Variants in SEPTIN9 observed in about 807,000 individuals in gnomAD.
The protein encoded by SEPTIN9 is septin-9.
SEPTIN9 carries 13 observed loss-of-function variants against 56.6 expected under a neutral mutation model. That is an observed-to-expected ratio of 0.23 (90% CI 0.15 to 0.37). The LOEUF is 0.37. SEPTIN9 is among the 10% of genes least tolerant of loss of function. SEPTIN9 has a pLI of 1.00. For missense variants in SEPTIN9, 650 were observed against 823.1 expected, an observed-to-expected ratio of 0.79 and a Z score of 2.57; for synonymous variants, 332 against 334.1, an observed-to-expected ratio of 0.99 and a Z score of 0.07.
In SEPTIN9 at chr17:77,341,849, G is replaced by A. The variant is rs368181471; in HGVS notation, c.76+34652G>A. ...TGTAATCCCAGCACTTTGGGAGGCC[G>A]AGGCGGGCAGATCATGAGGTCAGGG... On this transcript the variant is annotated intron_variant, in intron 2 of 11. Transcript: ENST00000427177. Among the ~76,000 whole-genome samples, 36 of 150,992 alleles carry A rather than the reference G, an allele frequency of 2.4e-4. 1 individual carries two copies. In the South Asian group the frequency reaches 2.9e-3, roughly 12 times the overall value.
rs1309823265 is a variant in SEPTIN9 at position 77,434,429 on chromosome 17, A to G, written c.721+31726A>G. Among the ~76,000 whole-genome samples the G allele has an allele frequency of 1.3e-5, 2 of 152,082 alleles. No individual in the cohort carries two copies. The highest frequency in any genetic ancestry group is 2.9e-5 in the Non-Finnish European group (2 of 68,012). ...TCTCCATGGCTCCCTCGTCCTGCAC[A>G]TCCTTCCCTTGTTGTGTTGTCTCGC... On this transcript the variant is annotated intron_variant, in intron 3 of 11. Coordinates refer to ENST00000427177, the MANE Select transcript of SEPTIN9 (RefSeq NM_001113491.2). The surrounding 1 kb of genome is among the most constrained non-coding windows in gnomAD (Gnocchi z 5.0).
rs552964663 is a variant in SEPTIN9 at position 77,385,303 on chromosome 17, A to G, written c.77-16756A>G. 2.6e-5 allele frequency among the ~76,000 whole-genome samples: 4 copies of G among 151,984 alleles called. No homozygotes were observed. In the East Asian group the frequency reaches 7.8e-4, roughly 29 times the overall value. On this transcript the variant is annotated intron_variant, in intron 2 of 11. Transcript: ENST00000427177. The stretch of plus-strand genomic sequence containing the variant: ...TCAGCCTCCTGAGTAGCTGGATTAC[A>G]GACACTCATATTTGTAGGATTTGAG...
intron 2 of SEPTIN9, among the ~76,000 whole-genome samples, chr17:77,347,577 GA>G (rs2033928509): frequency 6.6e-6 from 1 of 151,500 alleles, no homozygotes; most frequent in Non-Finnish European, 1.5e-5. Context: ...TTTTATCTTG[GA>G]CTCAACTTTA....
chr17:77,466,773 CTG>C (rs1447233583), intron 3 of SEPTIN9, among the ~76,000 whole-genome samples: 1 of 152,226 alleles, frequency 6.6e-6, no homozygotes, highest in African/African-American at 2.4e-5. Flanking sequence ...GAAGGCACAA[CTG>C]ATGACTTTAG....
chr17:77,361,347 C>CATCT (rs74276855), intron 2 of SEPTIN9, among the ~76,000 whole-genome samples: 5,648 of 152,216 alleles, frequency 0.037, 258 homozygotes, highest in Admixed American at 0.13. Context: ...TCTGGGTGAC[C>CATCT]ATCTGCATGT....
At chr17:77,412,902 G>A (rs1256408144) in intron 3 of SEPTIN9, among the ~76,000 whole-genome samples, 2 of 152,030 alleles carry the variant, frequency 1.3e-5, no homozygotes, top group East Asian at 3.8e-4. Context: ...CTGTTTAGAG[G>A]TCTCCTGCGT....
intron 1 of SEPTIN9, among the ~76,000 whole-genome samples, chr17:77,300,323 C>G (rs1260278911): frequency 2.2e-5 from 3 of 138,654 alleles, no homozygotes; most frequent in African/African-American, 4.9e-5. Context: ...GAGGTTGCTC[C>G]CCTCATGGAT....
At chr17:77,390,452 CT>C (rs1346255182) in intron 2 of SEPTIN9, among the ~76,000 whole-genome samples, 2,413 of 114,968 alleles carry the variant, frequency 0.021, 61 homozygotes, top group African/African-American at 0.088. Flanking sequence ...GCACATTTCG[CT>C]TTTTTTTTTT....
chr17:77,457,171 A>T (rs1032442424), intron 3 of SEPTIN9, among the ~76,000 whole-genome samples: 2 of 152,174 alleles, frequency 1.3e-5, no homozygotes, highest in African/African-American at 2.4e-5. Flanking sequence ...GGCCCGGCAC[A>T]GATGGCACCC....
chr17:77,378,142 T>C (rs1416883843), intron 2 of SEPTIN9, among the ~76,000 whole-genome samples: 4 of 151,954 alleles, frequency 2.6e-5, no homozygotes, highest in Non-Finnish European at 5.9e-5. Context: ...CAGGTGGAGG[T>C]AAACGCCAGG....
chr17:77,430,221 C>T (rs1056058487), intron 3 of SEPTIN9, among the ~76,000 whole-genome samples: 1 of 152,168 alleles, frequency 6.6e-6, no homozygotes, highest in Non-Finnish European at 1.5e-5. Flanking sequence ...CCATCCCCAG[C>T]TTTCTCTGCC....
In SEPTIN9 at chr17:77,429,463, G is replaced by A; in HGVS notation, c.721+26760G>A. ...TGAGGGCTGATTGTGTTGTGGGGAT[G>A]TTGGCAGAGAATCAGAGAGGGCATC... On this transcript the variant is annotated intron_variant, in intron 3 of 11. Coordinates refer to ENST00000427177, the MANE Select transcript of SEPTIN9 (RefSeq NM_001113491.2). The surrounding 1 kb of genome is among the most constrained non-coding windows in gnomAD (Gnocchi z 5.2). 1 of 374,674 alleles carries A rather than the reference G, an allele frequency of 2.7e-6. No individual in the cohort carries two copies. Among genetic ancestry groups the A allele is most frequent in the Non-Finnish European group, 5.6e-6 (1 of 179,396 alleles). The allele number at this position is 374,674 out of a possible 1,614,324, so 23.2% of individuals were successfully genotyped here.
chr17:77,496,738 G>C (rs1468234493), intron 10 of SEPTIN9, among the ~76,000 whole-genome samples: 1 of 152,234 alleles, frequency 6.6e-6, no homozygotes, highest in Non-Finnish European at 1.5e-5. Flanking sequence ...GCTGATTCTT[G>C]AGCTTGTGAA....
intron 2 of SEPTIN9, among the ~76,000 whole-genome samples, chr17:77,316,720 A>T (rs11659077): frequency 0.58 from 68,646 of 118,448 alleles, 16,029 homozygotes; most frequent in Middle Eastern, 0.62. Flanking sequence ...TTTTTTTTTT[A>T]ATTTGAGACA....
rs191962853 is a variant in SEPTIN9, at chr17:77,326,853, C to T, written c.76+19656C>T. Among the ~76,000 whole-genome samples the T allele has an allele frequency of 6.6e-6, 1 of 152,150 alleles. No homozygotes were observed. The highest frequency in any genetic ancestry group is 1.5e-5 in the Non-Finnish European group (1 of 68,004). Reference sequence around the variant, plus strand: ...CGGCCAATGATTGAATCAATCATGCCTTCGTAATGAGGCCTCCGTGAACAC... The same window carrying T: ...CGGCCAATGATTGAATCAATCATGCTTTCGTAATGAGGCCTCCGTGAACAC... On this transcript the variant is annotated intron_variant, in intron 2 of 11. Transcript: ENST00000427177. This position sits in a 1 kb window ranked among gnomAD's most constrained non-coding sequence, Gnocchi z 5.1.
At chr17:77,356,477 C>T (rs535777609) in intron 2 of SEPTIN9, among the ~76,000 whole-genome samples, 7 of 151,384 alleles carry the variant, frequency 4.6e-5, no homozygotes, top group African/African-American at 1.7e-4. Context: ...CCTCCGCTTC[C>T]TGATGGAAAA....
intron 2 of SEPTIN9, among the ~76,000 whole-genome samples, chr17:77,347,889 T>C (rs1380213401): frequency 6.6e-6 from 1 of 152,192 alleles, no homozygotes; most frequent in African/African-American, 2.4e-5. Context: ...GTTCTAATCA[T>C]GTTAAGGTAG....
chr17:77,344,969 CAAAAAAAAAAAAA>C (rs35165946), intron 2 of SEPTIN9, among the ~76,000 whole-genome samples: 69 of 67,956 alleles, frequency 1.0e-3, no homozygotes, highest in African/African-American at 2.5e-3. Context: ...AAGACTGCCT[CAAAAAAAAAAAAA>C]AAAAAAAAAA....
At chr17:77,386,084 C>G (rs948761507) in intron 2 of SEPTIN9, among the ~76,000 whole-genome samples, 2 of 152,176 alleles carry the variant, frequency 1.3e-5, no homozygotes, top group African/African-American at 4.8e-5. Flanking sequence ...GCGCTTGTGA[C>G]TCCTGCATGC....
Sources: allele counts gnomAD v4.1 joint callset (sites outside exome capture counted in the v4.1 genomes callset), GRCh38; gene constraint gnomAD v4.1.1; non-coding constraint Gnocchi (gnomAD v3.1); transcripts MANE v1.5; gene names NCBI Gene and HGNC (gene_info 2026-07-23, HGNC 2026-07-21).